The following RIT2 variants were observed in gnomAD, a reference collection of about 807,000 sequenced individuals.
RIT2 encodes the protein Ras like without CAAX 2.
RIT2 carries 24 observed loss-of-function variants against 23.7 expected under a neutral mutation model. The observed-to-expected ratio is 1.01, with a 90% CI of 0.73 to 1.43. The LOEUF (loss-of-function observed/expected upper bound fraction) is 1.43, where lower values mean the gene tolerates loss of function less well. Ranked by LOEUF, RIT2 falls within the 40% of genes most tolerant of loss-of-function variation. The pLI is 0.00. For missense variants in RIT2, 236 were observed against 266.9 expected, an observed-to-expected ratio of 0.88 and a Z score of 0.81; for synonymous variants, 107 against 91.1, an observed-to-expected ratio of 1.17 and a Z score of -0.99.
intron 4 of RIT2, among the ~76,000 whole-genome samples, chr18:42,866,862 A>AAT (rs1598690594): frequency 6.6e-6 from 1 of 152,260 alleles, no homozygotes; most frequent in East Asian, 1.9e-4. Flanking sequence ...TCCTCATTAT[A>AAT]GAGTCATAGT....
rs138657413 is a variant in RIT2, at chr18:42,907,035, C to T, written c.426+16537G>A. Among the ~76,000 whole-genome samples, 952 of 152,104 alleles carry T rather than the reference C, an allele frequency of 6.3e-3. 6 individuals are homozygous for T. Among genetic ancestry groups the T allele is most frequent in the African/African-American group, 0.021 (880 of 41,472 alleles). The stretch of plus-strand genomic sequence containing the variant: ...CTCAAACTTATTGTTTTGCTTATAC[C>T]TCCCTCAGTGTGTGTTTTATAACAA... On this transcript the variant is annotated intron_variant, in intron 4 of 4. Transcript: ENST00000326695.
chr18:42,803,973 C>T (rs773684581), intron 4 of RIT2, among the ~76,000 whole-genome samples: 31 of 152,104 alleles, frequency 2.0e-4, no homozygotes, highest in Non-Finnish European at 4.3e-4. Flanking sequence ...CTGTTAACAT[C>T]GTAATTTTAG....
At chr18:42,816,573 A>T (rs73486754) in intron 4 of RIT2, among the ~76,000 whole-genome samples, 2 of 152,214 alleles carry the variant, frequency 1.3e-5, no homozygotes, top group East Asian at 3.9e-4. Context: ...CAGGTTTTTA[A>T]GTGTAAATGA....
intron 4 of RIT2, among the ~76,000 whole-genome samples, chr18:42,774,955 A>AT (rs1913633484): frequency 6.6e-6 from 1 of 152,234 alleles, no homozygotes; most frequent in Admixed American, 6.5e-5. Context: ...GCTTTTGAGC[A>AT]CATTACACCT....
At chr18:42,902,005 T>C (rs1037193524) in intron 4 of RIT2, among the ~76,000 whole-genome samples, 1 of 151,888 alleles carries the variant, frequency 6.6e-6, no homozygotes, top group African/African-American at 2.4e-5. Context: ...GACCAGGCAT[T>C]AAGGAGATTT....
chr18:42,963,860 C>A (rs1007920175), intron 3 of RIT2, among the ~76,000 whole-genome samples: 1 of 152,166 alleles, frequency 6.6e-6, no homozygotes, highest in African/African-American at 2.4e-5. Context: ...TGCACCACTG[C>A]ACTCCAGCCT....
At chr18:42,911,070 TCA>T (rs1323755313) in intron 4 of RIT2, among the ~76,000 whole-genome samples, 1 of 151,632 alleles carries the variant, frequency 6.6e-6, no homozygotes, top group Non-Finnish European at 1.5e-5. Flanking sequence ...TAAAAAAAAA[TCA>T]CACAGAGTAT....
At chr18:42,903,829 T>C (rs748759227) in intron 4 of RIT2, among the ~76,000 whole-genome samples, 41 of 152,062 alleles carry the variant, frequency 2.7e-4, no homozygotes, top group Non-Finnish European at 4.6e-4. Flanking sequence ...TATAAGCAAA[T>C]CTTACTAAGG....
At chr18:42,875,864 C>G (rs942882029) in intron 4 of RIT2, among the ~76,000 whole-genome samples, 1 of 151,942 alleles carries the variant, frequency 6.6e-6, no homozygotes, top group South Asian at 2.1e-4. Context: ...ACTGGCTCAG[C>G]TATTTGCATT....
intron 4 of RIT2, among the ~76,000 whole-genome samples, chr18:42,850,321 T>C (rs966003824): frequency 2.6e-5 from 4 of 152,210 alleles, no homozygotes; most frequent in Non-Finnish European, 5.9e-5. Flanking sequence ...CCCTAGGGCA[T>C]GGCTATCACT....
chr18:43,071,338 G>T (rs746850657), intron 1 of RIT2, among the ~76,000 whole-genome samples: 1 of 152,124 alleles, frequency 6.6e-6, no homozygotes, highest in Non-Finnish European at 1.5e-5. Flanking sequence ...AAAATATATG[G>T]AACTACATCC....
At chr18:42,899,176 C>A (rs1422263620) in intron 4 of RIT2, among the ~76,000 whole-genome samples, 1 of 151,594 alleles carries the variant, frequency 6.6e-6, no homozygotes, top group East Asian at 2.0e-4. Context: ...TCATTGACCT[C>A]AATAATTGAA....
intron 2 of RIT2, among the ~76,000 whole-genome samples, chr18:43,005,968 A>G (rs757266878): frequency 1.3e-5 from 2 of 151,760 alleles, no homozygotes; most frequent in Non-Finnish European, 2.9e-5. Flanking sequence ...GGTGAAGTAG[A>G]AAGCTCCCTC....
At chr18:43,037,792 A>T (rs1912014539) in intron 1 of RIT2, among the ~76,000 whole-genome samples, 1 of 152,274 alleles carries the variant, frequency 6.6e-6, no homozygotes, top group African/African-American at 2.4e-5. Context: ...TTGGCTGGAT[A>T]TAAAATACTT....
intron 1 of RIT2, among the ~76,000 whole-genome samples, chr18:43,109,776 C>A (rs1308702325): frequency 1.3e-5 from 2 of 152,282 alleles, no homozygotes; most frequent in East Asian, 3.9e-4. Flanking sequence ...ATAACACTCC[C>A]TCCCTGCTCA....
chr18:42,970,589 C>T (rs1910339345), intron 3 of RIT2, among the ~76,000 whole-genome samples: 1 of 151,968 alleles, frequency 6.6e-6, no homozygotes, highest in Non-Finnish European at 1.5e-5. Context: ...TTTGAAGACC[C>T]TCATTGACAG....
chr18:43,009,017 T>C (rs1175767288), intron 2 of RIT2, among the ~76,000 whole-genome samples: 1 of 151,650 alleles, frequency 6.6e-6, no homozygotes, highest in Non-Finnish European at 1.5e-5. Context: ...CACAAAGAAC[T>C]ATATCCTTAT....
At chr18:43,104,827 A>G (rs2144243366) in intron 1 of RIT2, among the ~76,000 whole-genome samples, 1 of 152,322 alleles carries the variant, frequency 6.6e-6, no homozygotes. Flanking sequence ...TTAAACAAAA[A>G]TCTGTATCCA....
At chr18:43,110,788 G>GTA (rs1258062984) in intron 1 of RIT2, among the ~76,000 whole-genome samples, 1 of 151,986 alleles carries the variant, frequency 6.6e-6, no homozygotes, top group Admixed American at 6.6e-5. Context: ...GTGTATGTGT[G>GTA]TATATATATG....
Sources: allele counts gnomAD v4.1 joint callset (sites outside exome capture counted in the v4.1 genomes callset), GRCh38; gene constraint gnomAD v4.1.1; transcripts MANE v1.5; gene names NCBI Gene and HGNC (gene_info 2026-07-23, HGNC 2026-07-21).